Variants in AKT3 observed in about 807,000 individuals in gnomAD.
The protein encoded by AKT3 is AKT serine/threonine kinase 3.
In AKT3, 15 loss-of-function variants were observed where a neutral mutation model predicts 65.3. The ratio of observed to expected loss-of-function variants is 0.23; its 90% CI spans 0.15 to 0.35. AKT3 has a LOEUF of 0.35. AKT3 is among the 10% of genes least tolerant of loss of function. AKT3 has a pLI of 1.00. For synonymous variants in AKT3, 206 were observed against 183.8 expected, an observed-to-expected ratio of 1.12 and a Z score of -0.98; for missense variants, 243 against 576.5, an observed-to-expected ratio of 0.42 and a Z score of 5.92.
intron 2 of AKT3, among the ~76,000 whole-genome samples, chr1:243,699,872 G>A (rs901166313): frequency 6.6e-6 from 1 of 151,942 alleles, no homozygotes; most frequent in Non-Finnish European, 1.5e-5. Context: ...CAGAGAAAAG[G>A]AAGGGGGAAC....
chr1:243,488,429 G>GTAGATCTCGGTGGT, exon 14 of AKT3: 1 of 162,274 alleles, frequency 6.2e-6, no homozygotes, highest in Non-Finnish European at 1.4e-5. Flanking sequence ...GGGTGACTGT[G>GTAGATCTCGGTGGT]CTGCTGGCTG....
chr1:243,675,178 T>A (rs1205333389), intron 3 of AKT3, among the ~76,000 whole-genome samples: 1 of 152,164 alleles, frequency 6.6e-6, no homozygotes, highest in African/African-American at 2.4e-5. Flanking sequence ...AATAAACATA[T>A]ACAAAGACCA....
intron 11 of AKT3, chr1:243,548,126 A>T (rs1672803137): frequency 6.6e-6 from 1 of 152,198 alleles, no homozygotes; most frequent in Admixed American, 6.5e-5. Context: ...AGAGAAGCAA[A>T]AGCACCAAAA....
chr1:243,783,113 G>A lies in AKT3; in HGVS notation c.46+60012C>T, dbSNP rs561182428. On this transcript the variant is annotated intron_variant, in intron 2 of 13. Transcript: ENST00000673466. ...AAAACAAGAGCTTCTAAGAATTTCTGGAGTGACAAGAGTGTCCTTTGTATA... is the reference window on the plus strand; with the variant it reads ...AAAACAAGAGCTTCTAAGAATTTCTAGAGTGACAAGAGTGTCCTTTGTATA... 3.9e-5 allele frequency among the ~76,000 whole-genome samples: 6 copies of A among 152,266 alleles called. No individual in the cohort carries two copies. In the South Asian group the frequency reaches 1.0e-3, roughly 26 times the overall value.
chr1:243,752,520 A>C (rs1688869975), intron 2 of AKT3, among the ~76,000 whole-genome samples: 1 of 152,264 alleles, frequency 6.6e-6, no homozygotes, highest in African/African-American at 2.4e-5. Flanking sequence ...ACTCCTTATT[A>C]AGCATTAATC....
At chr1:243,761,553 A>G (rs1236498175) in intron 2 of AKT3, among the ~76,000 whole-genome samples, 2 of 152,232 alleles carry the variant, frequency 1.3e-5, no homozygotes, top group Non-Finnish European at 2.9e-5. Context: ...TCAGTCTTAA[A>G]AAAAGAAATT....
chr1:243,568,672 A>C (rs1674350431), intron 9 of AKT3, among the ~76,000 whole-genome samples: 2 of 152,192 alleles, frequency 1.3e-5, no homozygotes, highest in Admixed American at 1.3e-4. Flanking sequence ...ATAAAATTAA[A>C]CTTTAAAAAT....
intron 4 of AKT3, among the ~76,000 whole-genome samples, chr1:243,647,529 T>C (rs552930608): frequency 6.6e-6 from 1 of 152,370 alleles, no homozygotes; most frequent in East Asian, 1.9e-4. Context: ...TCTTTTATGC[T>C]ATTGTGGAGG....
At chr1:243,817,611 C>T (rs1693609305) in intron 2 of AKT3, among the ~76,000 whole-genome samples, 1 of 152,130 alleles carries the variant, frequency 6.6e-6, no homozygotes, top group Non-Finnish European at 1.5e-5. Context: ...CGTGGTGGCA[C>T]ATGCCTGTAG....
chr1:243,820,070 C>T (rs1352850747), intron 2 of AKT3, among the ~76,000 whole-genome samples: 1 of 152,182 alleles, frequency 6.6e-6, no homozygotes, highest in Non-Finnish European at 1.5e-5. Flanking sequence ...AGGCGCATGC[C>T]ACCACGCCCA....
chr1:243,830,776 A>C (rs890894482), intron 2 of AKT3, among the ~76,000 whole-genome samples: 4 of 152,188 alleles, frequency 2.6e-5, no homozygotes, highest in Non-Finnish European at 5.9e-5. Flanking sequence ...TAATCTTCCA[A>C]ACCATAAAAA....
chr1:243,745,435 A>G (rs1289219790), intron 2 of AKT3, among the ~76,000 whole-genome samples: 2 of 152,196 alleles, frequency 1.3e-5, no homozygotes, highest in Non-Finnish European at 2.9e-5. Flanking sequence ...CATACTAAAA[A>G]CATGTATGGA....
rs1354820509 is a variant in AKT3 at position 243,500,538 on chromosome 1, C to T, written c.*4711G>A. On this transcript the variant is annotated 3_prime_UTR_variant, in exon 14 of 14. Transcript: ENST00000673466. ...TGTCTAAAATAGTATTTCTACTATA[C>T]ACAATTAAGCCCTCAAATGCTTTAA... 4 of 227,094 alleles carry T rather than the reference C, an allele frequency of 1.8e-5. No homozygotes were observed. The highest frequency in any genetic ancestry group is 1.8e-4 in the South Asian group (1 of 5,486). The allele number at this position is 227,094 out of a possible 1,614,324, so 14.1% of individuals were successfully genotyped here.
At chr1:243,492,604 G>GTTTTTTTTTTTT in intron 13 of AKT3, among the ~76,000 whole-genome samples, 1 of 58,876 alleles carries the variant, frequency 1.7e-5, no homozygotes, top group Non-Finnish European at 3.0e-5. Flanking sequence ...GCGCCCAGCT[G>GTTTTTTTTTTTT]TTTTTTTTTT....
chr1:243,502,090 C>G lies in AKT3; in HGVS notation c.*3159G>C. 4.3e-6 allele frequency: 1 copy of G among 232,334 alleles called. No individual in the cohort carries two copies. The highest frequency in any genetic ancestry group is 8.5e-6 in the Non-Finnish European group (1 of 117,552). The allele number at this position is 232,334 out of a possible 1,614,324, so 14.4% of individuals were successfully genotyped here. On this transcript the variant is annotated 3_prime_UTR_variant, in exon 14 of 14. Transcript: ENST00000673466. ...AAGCTACAGGGAGGTAATTCAATTA[C>G]CAATTTAGAGGTTTTCTTTTTATTT... is the stretch of plus-strand genomic sequence containing the variant.
At chr1:243,530,471 C>T (rs1301829301) in intron 12 of AKT3, among the ~76,000 whole-genome samples, 1 of 152,054 alleles carries the variant, frequency 6.6e-6, no homozygotes, top group Non-Finnish European at 1.5e-5. Flanking sequence ...TTCTTTGAAA[C>T]AAATGAGAAC....
At chr1:243,688,033 G>A (rs1261196453) in intron 3 of AKT3, among the ~76,000 whole-genome samples, 2 of 151,976 alleles carry the variant, frequency 1.3e-5, no homozygotes, top group Admixed American at 1.3e-4. Context: ...AAGTATCTAA[G>A]GTGATGGATT....
chr1:243,671,321 C>A (rs1007713613), intron 3 of AKT3, among the ~76,000 whole-genome samples: 9 of 152,078 alleles, frequency 5.9e-5, no homozygotes, highest in Non-Finnish European at 1.5e-5. Context: ...ACCTCATGAT[C>A]CGCCCACCTC....
intron 12 of AKT3, among the ~76,000 whole-genome samples, chr1:243,538,504 C>CA (rs1672081598): frequency 6.6e-6 from 1 of 151,654 alleles, no homozygotes; most frequent in Non-Finnish European, 1.5e-5. Context: ...TAATGAATAA[C>CA]AGAAAAACAA....
Sources: gnomAD v4.1 joint callset for allele counts (sites outside exome capture counted in the v4.1 genomes callset) on GRCh38, gnomAD v4.1.1 for gene constraint, MANE v1.5 for transcripts, NCBI Gene and HGNC (gene_info 2026-07-23, HGNC 2026-07-21) for gene names.